Variants in SHB observed in about 807,000 individuals in gnomAD.
SHB encodes SH2 domain containing adaptor protein B, also known as SH2 domain-containing adapter protein B.
Under a neutral mutation model 52.3 loss-of-function variants are expected in SHB, and 20 were observed. The observed-to-expected ratio is 0.38, with a 90% CI of 0.27 to 0.56. The LOEUF (loss-of-function observed/expected upper bound fraction) is 0.56, where lower values mean the gene tolerates loss of function less well. Ranked by LOEUF, SHB falls within the 20% of genes least tolerant of loss-of-function variation. SHB has a pLI of 0.71. For synonymous variants in SHB, 397 were observed against 316.5 expected (o/e 1.25, Z -2.70); for missense variants, 825 against 723.3 (o/e 1.14, Z -1.61).
intron 3 of SHB, 21 bp downstream of exon 3, chr9:37,974,601 A>G: frequency 6.2e-7 from 1 of 1,604,332 alleles, no homozygotes; most frequent in South Asian, 1.1e-5. Flanking sequence ...CTGCCTCCTG[A>G]GCAGGGTCAG....
At chr9:37,981,218 C>A (rs560365921) in intron 2 of SHB, among the ~76,000 whole-genome samples, 2 of 152,238 alleles carry the variant, frequency 1.3e-5, no homozygotes, top group Non-Finnish European at 2.9e-5. Context: ...CACTGAAAAT[C>A]TGTTGTTTTG....
intron 3 of SHB, among the ~76,000 whole-genome samples, chr9:37,971,395 C>T (rs1345227879): frequency 6.6e-6 from 1 of 151,162 alleles, no homozygotes; most frequent in Admixed American, 6.6e-5. Flanking sequence ...GCCCACCCAC[C>T]TCTCCACTTT....
chr9:37,943,938 C>G (rs1009860169), intron 5 of SHB, among the ~76,000 whole-genome samples: 2 of 152,218 alleles, frequency 1.3e-5, no homozygotes, highest in East Asian at 3.8e-4. Context: ...GGCTTTTCAT[C>G]CCTTTCCTCC....
chr9:37,921,684 A>G (rs907680007), intron 5 of SHB, among the ~76,000 whole-genome samples: 1 of 152,186 alleles, frequency 6.6e-6, no homozygotes, highest in African/African-American at 2.4e-5. Context: ...ATTTCATCGG[A>G]GAATTGCCTA....
At chr9:38,051,358 G>T (rs940769082) in intron 1 of SHB, among the ~76,000 whole-genome samples, 2 of 150,570 alleles carry the variant, frequency 1.3e-5, no homozygotes, top group African/African-American at 4.9e-5. Flanking sequence ...CAGGAGAATC[G>T]CCTGAACCAG....
Position 38,016,066 on chromosome 9 carries a change from T to C in SHB, c.783A>G (p.Gly261=), listed in dbSNP as rs374539700. The C allele has an allele frequency of 2.7e-5, 43 of 1,614,162 alleles. No homozygotes were observed. The African/African-American group carries it at 5.2e-4, about 20-fold the overall frequency. ...CCATGTAGCCAGCACTCTCCCCCTTTCCTGCTTTGCTCTTGAGATCATTCT... is the reference window on the plus strand; with the variant it reads ...CCATGTAGCCAGCACTCTCCCCCTTCCCTGCTTTGCTCTTGAGATCATTCT... ...DAKNDLKSKA[G]KGESAGYMEP... is the part of the protein sequence containing the mutation. The change falls in exon 2 of 6, where the codon GGA becomes GGG. Residue 261 remains glycine, a synonymous_variant. Coordinates refer to ENST00000377707, the MANE Select transcript of SHB (RefSeq NM_003028.3).
At chr9:38,053,152 C>T (rs1484261565) in intron 1 of SHB, among the ~76,000 whole-genome samples, 1 of 152,200 alleles carries the variant, frequency 6.6e-6, no homozygotes, top group Non-Finnish European at 1.5e-5. Flanking sequence ...CTGGCTGGAA[C>T]CCCAGCTCCA....
intron 3 of SHB, among the ~76,000 whole-genome samples, chr9:37,972,461 G>T (rs1221910719): frequency 6.6e-6 from 1 of 152,204 alleles, no homozygotes; most frequent in African/African-American, 2.4e-5. Flanking sequence ...CTCCAGAAAG[G>T]TGATGGGACA....
At chr9:38,038,690 A>T (rs1260944226) in intron 1 of SHB, among the ~76,000 whole-genome samples, 1 of 152,174 alleles carries the variant, frequency 6.6e-6, no homozygotes, top group African/African-American at 2.4e-5. Flanking sequence ...CCCAGGACAC[A>T]GGGATGCAGC....
intron 5 of SHB, among the ~76,000 whole-genome samples, chr9:37,943,165 C>T (rs1471107755): frequency 1.4e-4 from 22 of 152,154 alleles, no homozygotes; most frequent in Admixed American, 8.5e-4. Flanking sequence ...TGTCTCTGGG[C>T]CCATTCTCTC....
At chr9:38,061,723 C>G (rs965079504) in intron 1 of SHB, among the ~76,000 whole-genome samples, 1 of 152,218 alleles carries the variant, frequency 6.6e-6, no homozygotes, top group African/African-American at 2.4e-5. Flanking sequence ...TTAGAGAGGA[C>G]AGTCACCTGA....
chr9:37,998,179 G>T (rs1564097918), intron 2 of SHB, among the ~76,000 whole-genome samples: 2 of 151,666 alleles, frequency 1.3e-5, no homozygotes. Flanking sequence ...CGATTCCAAG[G>T]CACCAGTGGC....
chr9:37,970,447 AG>A (rs761193910), intron 3 of SHB, among the ~76,000 whole-genome samples: 2 of 152,238 alleles, frequency 1.3e-5, no homozygotes, highest in Non-Finnish European at 2.9e-5. Flanking sequence ...ATGGGAAGGA[AG>A]GCGCTGACTT....
chr9:37,948,385 C>G (rs1474308608), intron 5 of SHB, among the ~76,000 whole-genome samples: 1 of 152,238 alleles, frequency 6.6e-6, no homozygotes, highest in African/African-American at 2.4e-5. Context: ...GATGTGAAAG[C>G]TTTCTTGGAT....
intron 1 of SHB, among the ~76,000 whole-genome samples, chr9:38,039,562 GCCCAGT>G (rs1460155589): frequency 6.6e-6 from 1 of 152,230 alleles, no homozygotes; most frequent in Non-Finnish European, 1.5e-5. Context: ...CTCCCTGTGG[GCCCAGT>G]CCCTGCCATC....
intron 5 of SHB, among the ~76,000 whole-genome samples, chr9:37,940,411 G>A (rs1240989022): frequency 6.6e-6 from 1 of 152,244 alleles, no homozygotes; most frequent in African/African-American, 2.4e-5. Context: ...TGCAAAGAGT[G>A]TTTGAGGAGT....
At chr9:38,033,972 C>T (rs911629544) in intron 1 of SHB, among the ~76,000 whole-genome samples, 16 of 152,192 alleles carry the variant, frequency 1.1e-4, no homozygotes, top group African/African-American at 3.6e-4. Context: ...ACAGGTGAAA[C>T]GGGTTCTGCC....
At chr9:38,066,546 A>T (rs1036260573) in intron 1 of SHB, among the ~76,000 whole-genome samples, 2 of 152,160 alleles carry the variant, frequency 1.3e-5, no homozygotes, top group Non-Finnish European at 2.9e-5. Context: ...GCTCCCAGCT[A>T]GTCGTCATCT....
chr9:37,992,459 G>A (rs554903896), intron 2 of SHB, among the ~76,000 whole-genome samples: 1 of 152,188 alleles, frequency 6.6e-6, no homozygotes, highest in African/African-American at 2.4e-5. Context: ...GAAGCTCATG[G>A]CCTAAAAACG....
Sources: allele counts gnomAD v4.1 joint callset (sites outside exome capture counted in the v4.1 genomes callset), GRCh38; gene constraint gnomAD v4.1.1; transcripts MANE v1.5; gene names NCBI Gene and HGNC (gene_info 2026-07-23, HGNC 2026-07-21).